The following TTC19 variants were observed in gnomAD, a reference collection of about 807,000 sequenced individuals.
TTC19 encodes tetratricopeptide repeat domain 19, also known as tetratricopeptide repeat protein 19, mitochondrial.
In TTC19, 38 loss-of-function variants were observed where a neutral mutation model predicts 49.5. The observed-to-expected ratio is 0.77, with a 90% CI of 0.59 to 1.01. TTC19 has a LOEUF of 1.01. Among genes scored for constraint, TTC19 ranks in the 50% least tolerant of loss-of-function variants. TTC19 has a pLI of 0.00. For missense variants in TTC19, 475 were observed against 477.7 expected, an observed-to-expected ratio of 0.99 and a Z score of 0.05; for synonymous variants, 204 against 185.2, an observed-to-expected ratio of 1.10 and a Z score of -0.83.
chr17:16,040,169 A>T (rs1009884897), intron 2 of TTC19: 4 of 567,274 alleles, frequency 7.1e-6, no homozygotes, highest in Non-Finnish European at 1.3e-5. Flanking sequence ...CTTCTATTAA[A>T]GTTACTCAAC....
In TTC19 at chr17:16,022,644, C is replaced by CT. The variant is rs1352295447; in HGVS notation, c.677-2370dup. Reference sequence around the variant, plus strand: ...ACAAATGCATATAATTGCTCCAGTACTTTATCAAATTCCCTTTAGTCTATA... The same window carrying CT: ...ACAAATGCATATAATTGCTCCAGTACTTTTATCAAATTCCCTTTAGTCTATA... On this transcript the variant is annotated intron_variant, in intron 7 of 9. Coordinates refer to ENST00000261647, the MANE Select transcript of TTC19 (RefSeq NM_017775.4). Among the ~76,000 whole-genome samples the CT allele has an allele frequency of 1.1e-4, 16 of 152,274 alleles. No homozygotes were observed. The East Asian group carries it at 3.1e-3, about 29-fold the overall frequency.
chr17:16,022,042 G>A (rs950594198), intron 7 of TTC19, among the ~76,000 whole-genome samples: 1 of 152,088 alleles, frequency 6.6e-6, no homozygotes, highest in Non-Finnish European at 1.5e-5. Flanking sequence ...TAAGGGGAGT[G>A]TAGGCTGGAG....
chr17:16,015,533 T>C (rs1365559435), intron 7 of TTC19, among the ~76,000 whole-genome samples: 1 of 152,182 alleles, frequency 6.6e-6, no homozygotes, highest in Non-Finnish European at 1.5e-5. Context: ...TTCCCATTGA[T>C]TCCTTCCTCC....
At chr17:16,033,372 A>G (rs1247892810), downstream of TTC19, among the ~76,000 whole-genome samples, 1 of 151,874 alleles carries the variant, frequency 6.6e-6, no homozygotes, top group Non-Finnish European at 1.5e-5. Context: ...AACATAAAAC[A>G]TAACCATTTA....
intron 2 of TTC19, chr17:16,039,351 C>A (rs773242559): frequency 2.2e-5 from 29 of 1,302,520 alleles, no homozygotes; most frequent in Non-Finnish European, 2.5e-5. Flanking sequence ...AATGAAATGT[C>A]TTAGTGATGC....
intron 2 of TTC19, among the ~76,000 whole-genome samples, chr17:16,001,164 A>T (rs1006619734): frequency 2.0e-5 from 3 of 152,122 alleles, no homozygotes; most frequent in Admixed American, 6.6e-5. Flanking sequence ...AAAAGAGTAA[A>T]TTGGATTATG....
chr17:16,018,315 A>G (rs555306843), intron 7 of TTC19, among the ~76,000 whole-genome samples: 9 of 152,090 alleles, frequency 5.9e-5, no homozygotes, highest in Non-Finnish European at 1.3e-4. Context: ...TTCTGGCTCA[A>G]TGCTTCTGTC....
intron 2 of TTC19, among the ~76,000 whole-genome samples, chr17:16,035,527 GTTCT>G (rs1388059000): frequency 2.2e-5 from 3 of 133,388 alleles, no homozygotes; most frequent in Admixed American, 7.4e-5. Flanking sequence ...TAGTTCTCTT[GTTCT>G]TTTTTTTTTT....
At chr17:16,030,412 T>C (rs1375813077), downstream of TTC19, 4 of 211,786 alleles carry the variant, frequency 1.9e-5, no homozygotes, top group Non-Finnish European at 3.8e-5. Context: ...CTCAGGGTCA[T>C]AGAAAAATAC....
At chr17:16,024,120 T>A (rs1352183929) in intron 7 of TTC19, 1 of 152,230 alleles carries the variant, frequency 6.6e-6, no homozygotes, top group Non-Finnish European at 1.5e-5. Flanking sequence ...TAGGTTACCG[T>A]TCTCTAGATC....
At chr17:16,013,192 CCT>C (rs1971122876) in intron 7 of TTC19, among the ~76,000 whole-genome samples, 1 of 151,978 alleles carries the variant, frequency 6.6e-6, no homozygotes, top group Non-Finnish European at 1.5e-5. Context: ...CAATAGAGAC[CCT>C]GTCTCAAAAA....
At chr17:16,010,077 ATAATAT>A (rs1227950336) in intron 7 of TTC19, among the ~76,000 whole-genome samples, 6 of 151,782 alleles carry the variant, frequency 4.0e-5, no homozygotes, top group African/African-American at 1.4e-4. Flanking sequence ...AAAAAGTCAA[ATAATAT>A]TAATAGTACA....
intron 2 of TTC19, chr17:16,034,730 C>T (rs765062873): frequency 1.3e-6 from 2 of 1,538,812 alleles, no homozygotes. Context: ...TATTATTGCT[C>T]TGTCTCATTT....
intron 2 of TTC19, chr17:16,040,691 AT>A (rs1597672566): frequency 6.6e-6 from 4 of 604,020 alleles, no homozygotes; most frequent in Middle Eastern, 4.6e-4. Context: ...TGCCCAGGCT[AT>A]TTTTAAAGGG....
At chr17:16,017,749 G>A (rs753289834) in intron 7 of TTC19, among the ~76,000 whole-genome samples, 7 of 152,250 alleles carry the variant, frequency 4.6e-5, no homozygotes, top group South Asian at 2.1e-4. Context: ...TAAGAAGAGC[G>A]AAACTCCATC....
intron 8 of TTC19, among the ~76,000 whole-genome samples, chr17:16,025,652 G>A (rs1189618934): frequency 6.6e-6 from 1 of 152,218 alleles, no homozygotes; most frequent in Admixed American, 6.5e-5. Flanking sequence ...AACGTGTAAA[G>A]CTCTGTGTTA....
chr17:16,021,816 A>G (rs1285363410), intron 7 of TTC19, among the ~76,000 whole-genome samples: 1 of 152,154 alleles, frequency 6.6e-6, no homozygotes, highest in African/African-American at 2.4e-5. Flanking sequence ...TGTCATGTTT[A>G]CTAATCTTGG....
chr17:16,024,594 C>T (rs535292764), intron 7 of TTC19: 21 of 242,214 alleles, frequency 8.7e-5, no homozygotes, highest in East Asian at 8.5e-4. Context: ...TGTGAGCCAC[C>T]GCGCCCGGCC....
At chr17:16,015,888 A>G (rs575790673) in intron 7 of TTC19, among the ~76,000 whole-genome samples, 22 of 152,132 alleles carry the variant, frequency 1.4e-4, no homozygotes, top group Admixed American at 3.3e-4. Context: ...ATATTTTACT[A>G]TTATCAATTT....
Sources: allele counts gnomAD v4.1 joint callset (sites outside exome capture counted in the v4.1 genomes callset), GRCh38; gene constraint gnomAD v4.1.1; transcripts MANE v1.5; gene names NCBI Gene and HGNC (gene_info 2026-07-23, HGNC 2026-07-21).